Variants in ATP11B observed in about 807,000 individuals in gnomAD.
The protein encoded by ATP11B is phospholipid-transporting ATPase IF.
Under a neutral mutation model 157.8 loss-of-function variants are expected in ATP11B, and 81 were observed. The ratio of observed to expected loss-of-function variants is 0.51; its 90% confidence interval spans 0.43 to 0.62. ATP11B has a LOEUF of 0.62. Ranked by LOEUF, ATP11B falls within the 20% of genes least tolerant of loss-of-function variation. The pLI, the probability that ATP11B is intolerant of heterozygous loss-of-function variation, is 0.00. For synonymous variants in ATP11B, 451 were observed against 469.4 expected (o/e 0.96, Z 0.51); for missense variants, 1,165 against 1,402.2 (o/e 0.83, Z 2.70).
rs757655872 is a variant in ATP11B at position 182,848,537 on chromosome 3, G to A, written c.831G>A (p.Gln277=). 1 of 1,564,244 alleles carries A rather than the reference G, an allele frequency of 6.4e-7. No individual in the cohort carries two copies. The highest frequency in any genetic ancestry group is 1.2e-5 in the South Asian group (1 of 80,202). ...CATTAAATTACAAGAGCAAATCACAGAAACGATCTGCAGTAGAAAAGTAAG... is the reference window on the plus strand; with the variant it reads ...CATTAAATTACAAGAGCAAATCACAAAAACGATCTGCAGTAGAAAAGTAAG... ...KMALNYKSKS[Q]KRSAVEKSMN... The change falls in exon 10 of 30, where the codon CAG becomes CAA. Residue 277 remains glutamine, a synonymous_variant. Transcript: ENST00000323116.
At chr3:182,844,471 A>G in intron 8 of ATP11B, 1 of 698,830 alleles carries the variant, frequency 1.4e-6, no homozygotes, top group Non-Finnish European at 1.8e-6. Context: ...TCCATAGAAG[A>G]TTCTTATTTT....
intron 2 of ATP11B, among the ~76,000 whole-genome samples, chr3:182,826,599 A>G (rs1717738094): frequency 6.6e-6 from 1 of 152,190 alleles, no homozygotes; most frequent in African/African-American, 2.4e-5. Context: ...CTAGAGCCCT[A>G]AACATACTTC....
chr3:182,852,832 T>C (rs932634913), intron 10 of ATP11B, among the ~76,000 whole-genome samples: 2 of 152,174 alleles, frequency 1.3e-5, no homozygotes, highest in Non-Finnish European at 2.9e-5. Flanking sequence ...ACCACCAAAA[T>C]TGATAGCTTA....
intron 8 of ATP11B, chr3:182,843,454 G>A (rs1441900878): frequency 6.6e-6 from 1 of 152,192 alleles, no homozygotes. Context: ...TGTTTAACAA[G>A]TATAAGTGCT....
chr3:182,822,265 C>A (rs138279403), intron 2 of ATP11B, among the ~76,000 whole-genome samples: 3,454 of 152,176 alleles, frequency 0.023, 130 homozygotes, highest in African/African-American at 0.08. Context: ...CTATCCCTCC[C>A]CCTGCCCCTA....
intron 28 of ATP11B, among the ~76,000 whole-genome samples, chr3:182,899,409 C>T (rs527519630): frequency 5.4e-4 from 82 of 152,004 alleles, no homozygotes; most frequent in African/African-American, 1.9e-3. Flanking sequence ...CCTTGGCCTC[C>T]CGAAGCGCTG....
chr3:182,830,811 C>T (rs556234561), intron 4 of ATP11B, among the ~76,000 whole-genome samples: 5 of 152,078 alleles, frequency 3.3e-5, no homozygotes, highest in Non-Finnish European at 7.4e-5. Context: ...GCTCTAAGTT[C>T]GATTTTACTT....
intron 12 of ATP11B, among the ~76,000 whole-genome samples, chr3:182,863,195 C>T (rs1304127365): frequency 3.3e-5 from 5 of 152,076 alleles, no homozygotes; most frequent in African/African-American, 7.2e-5. Flanking sequence ...TGAGCCACCG[C>T]GCCTGGCCAA....
intron 4 of ATP11B, chr3:182,833,881 C>G (rs996446099): frequency 1.4e-4 from 22 of 152,170 alleles, no homozygotes; most frequent in African/African-American, 5.1e-4. Context: ...AATTGTAAGT[C>G]TAACTAATGT....
chr3:182,813,773 G>T (rs1716810322), intron 1 of ATP11B, among the ~76,000 whole-genome samples: 1 of 151,938 alleles, frequency 6.6e-6, no homozygotes, highest in Non-Finnish European at 1.5e-5. Flanking sequence ...TGTTGCCCAG[G>T]CTGGAGTGCA....
chr3:182,844,519 C>T, intron 8 of ATP11B: 2 of 974,946 alleles, frequency 2.1e-6, no homozygotes, highest in Non-Finnish European at 2.4e-6. Flanking sequence ...TCTAGTTATT[C>T]CTTGTCGTTT....
At chr3:182,911,847 A>G (rs192654689) in intron 28 of ATP11B, among the ~76,000 whole-genome samples, 6 of 152,332 alleles carry the variant, frequency 3.9e-5, no homozygotes. Flanking sequence ...GAGATGACTC[A>G]TAGTTGGAGA....
chr3:182,848,642 A>G lies in ATP11B; in HGVS notation c.851+85A>G, dbSNP rs1309235968. The G allele has an allele frequency of 7.4e-6, 4 of 540,230 alleles. No individual in the cohort carries two copies. The African/African-American group carries it at 8.1e-5, about 11-fold the overall frequency. 33.5% of individuals were successfully genotyped at this position (540,230 alleles called of 1,614,324 possible). A position where few individuals can be genotyped will look rare whatever the true frequency, so the allele number is the denominator to read the frequency against. ...TGGTATAAAATATTATATATATAAT[A>G]TATATTAAGTAAACAGAATGAAAAC... On this transcript the variant is annotated intron_variant, in intron 10 of 29. Transcript: ENST00000323116.
intron 29 of ATP11B, chr3:182,917,681 G>C: frequency 1.0e-6 from 1 of 985,298 alleles, no homozygotes; most frequent in Non-Finnish European, 1.2e-6. Context: ...GAACTTTTCA[G>C]TAAAACAATG....
rs1275746653 is a variant in ATP11B, at chr3:182,820,099, A to G, written c.28-161A>G. 2.0e-5 allele frequency among the ~76,000 whole-genome samples: 3 copies of G among 152,226 alleles called. No individual in the cohort carries two copies. The East Asian group carries it at 5.8e-4, about 29-fold the overall frequency. ...CCTGTTTACCTGTGAAAGAAAAAAAATAGGTGGCATAGCTCTTCTAATTAG... is the reference window on the plus strand; with the variant it reads ...CCTGTTTACCTGTGAAAGAAAAAAAGTAGGTGGCATAGCTCTTCTAATTAG... On this transcript the variant is annotated intron_variant, in intron 1 of 29. Transcript: ENST00000323116.
chr3:182,830,026 T>G, intron 4 of ATP11B: 2 of 736,200 alleles, frequency 2.7e-6, no homozygotes, highest in Non-Finnish European at 3.3e-6. Context: ...ATAAACCATT[T>G]ATATATGAAA....
At chr3:182,833,155 G>C (rs1718281300) in intron 4 of ATP11B, among the ~76,000 whole-genome samples, 1 of 151,978 alleles carries the variant, frequency 6.6e-6, no homozygotes, top group African/African-American at 2.4e-5. Context: ...AGTAAATACA[G>C]ATGAAATTTT....
chr3:182,880,398 C>T (rs1159107236), intron 20 of ATP11B, among the ~76,000 whole-genome samples: 2 of 152,052 alleles, frequency 1.3e-5, no homozygotes, highest in Admixed American at 6.5e-5. Context: ...TACCCAGGTT[C>T]TTTATAAAAG....
At chr3:182,858,116 CCA>C in intron 11 of ATP11B, 88 bp downstream of exon 11, 1 of 1,162,688 alleles carries the variant, frequency 8.6e-7, no homozygotes, top group Non-Finnish European at 1.2e-6. Flanking sequence ...ATTGGAGAGA[CCA>C]CTGTAATCCT....
Sources: allele counts gnomAD v4.1 joint callset (sites outside exome capture counted in the v4.1 genomes callset), GRCh38; gene constraint gnomAD v4.1.1; transcripts MANE v1.5; gene names NCBI Gene and HGNC (gene_info 2026-07-23, HGNC 2026-07-21).